IGSF21: variants seen among roughly 807,000 people sequenced by gnomAD.
The protein encoded by IGSF21 is immunoglobin superfamily member 21.
A neutral mutation model predicts 46.8 loss-of-function variants in IGSF21; 28 were observed. The ratio of observed to expected loss-of-function variants is 0.60; its 90% CI spans 0.44 to 0.82. The LOEUF is 0.82. Among genes scored for constraint, IGSF21 ranks in the 40% least tolerant of loss-of-function variants. The pLI, the probability that IGSF21 is intolerant of heterozygous loss-of-function variation, is 0.00. For missense variants in IGSF21, 624 were observed against 665.5 expected (o/e 0.94, Z 0.69); for synonymous variants, 284 against 273.6 (o/e 1.04, Z -0.38).
At chr1:18,350,420 C>G (rs1414550221) in intron 4 of IGSF21, among the ~76,000 whole-genome samples, 1 of 152,202 alleles carries the variant, frequency 6.6e-6, no homozygotes, top group African/African-American at 2.4e-5. Flanking sequence ...TCAAGCCCTG[C>G]CACCCTGGCC....
chr1:18,229,211 G>A (rs1389344827), intron 2 of IGSF21, among the ~76,000 whole-genome samples: 1 of 152,166 alleles, frequency 6.6e-6, no homozygotes, highest in Non-Finnish European at 1.5e-5. Flanking sequence ...GGAAGTGATG[G>A]AGCATGGAAG....
At chr1:18,323,151 T>C (rs1393732135) in intron 3 of IGSF21, among the ~76,000 whole-genome samples, 2 of 152,128 alleles carry the variant, frequency 1.3e-5, no homozygotes, top group Admixed American at 6.5e-5. Flanking sequence ...GAAAACCTGA[T>C]TTCTCAGAGG....
At chr1:18,376,548 T>G (rs1471910788) in intron 7 of IGSF21, among the ~76,000 whole-genome samples, 153 bp downstream of exon 7, 1 of 152,210 alleles carries the variant, frequency 6.6e-6, no homozygotes, top group South Asian at 2.1e-4. Context: ...ATTGGGAGAA[T>G]CAGCTCCCAT....
At chr1:18,247,345 G>A (rs1054719143) in intron 2 of IGSF21, among the ~76,000 whole-genome samples, 4 of 152,114 alleles carry the variant, frequency 2.6e-5, no homozygotes, top group African/African-American at 9.7e-5. Context: ...TTCCTCCCCT[G>A]GGCCATCAAC....
intron 2 of IGSF21, among the ~76,000 whole-genome samples, chr1:18,277,525 G>A (rs115752001): frequency 0.011 from 1,605 of 152,296 alleles, 32 homozygotes; most frequent in African/African-American, 0.036. Flanking sequence ...CAAAGCAGTA[G>A]CAAGAGAAAT....
chr1:18,358,512 C>T (rs1465929019), intron 4 of IGSF21, among the ~76,000 whole-genome samples: 3 of 152,230 alleles, frequency 2.0e-5, no homozygotes, highest in Non-Finnish European at 4.4e-5. Context: ...GGGTGAGTGG[C>T]TGCTCTACGG....
intron 2 of IGSF21, among the ~76,000 whole-genome samples, chr1:18,235,938 T>C (rs144343447): frequency 3.7e-4 from 57 of 152,262 alleles, no homozygotes; most frequent in African/African-American, 1.3e-3. Flanking sequence ...GGAAAAATGT[T>C]CTGCTTATGA....
At chr1:18,123,436 G>C (rs987131150) in intron 1 of IGSF21, among the ~76,000 whole-genome samples, 3 of 152,240 alleles carry the variant, frequency 2.0e-5, no homozygotes, top group African/African-American at 4.8e-5. Flanking sequence ...TAGGGCTGGG[G>C]CTCCAGAGAC....
At chr1:18,166,841 A>G (rs41273147) in intron 1 of IGSF21, 10,525 of 152,850 alleles carry the variant, frequency 0.069, 410 homozygotes, top group Middle Eastern at 0.17. Flanking sequence ...TTTCACAGGT[A>G]GGAAGGAGGG....
At chr1:18,146,616 T>C (rs2086469273) in intron 1 of IGSF21, among the ~76,000 whole-genome samples, 1 of 152,112 alleles carries the variant, frequency 6.6e-6, no homozygotes, top group Non-Finnish European at 1.5e-5. Context: ...GTCAAGGTAG[T>C]AGGAGAGGAA....
chr1:18,274,175 C>A (rs1241471309), intron 2 of IGSF21, among the ~76,000 whole-genome samples: 3 of 152,234 alleles, frequency 2.0e-5, no homozygotes, highest in African/African-American at 7.2e-5. Context: ...CCAGCCCCTA[C>A]CCTTCTGCAA....
intron 1 of IGSF21, among the ~76,000 whole-genome samples, chr1:18,173,889 G>T (rs950329022): frequency 1.3e-5 from 2 of 152,136 alleles, no homozygotes; most frequent in Non-Finnish European, 2.9e-5. Flanking sequence ...GAGTAGCTGG[G>T]ACTACAGGCG....
chr1:18,252,310 A>T (rs1284821023), intron 2 of IGSF21, among the ~76,000 whole-genome samples: 1 of 151,954 alleles, frequency 6.6e-6, no homozygotes, highest in East Asian at 1.9e-4. Flanking sequence ...CGGCCTCCCA[A>T]AGTGCTGGGA....
At chr1:18,234,095 C>T (rs749643413) in intron 2 of IGSF21, among the ~76,000 whole-genome samples, 4 of 152,172 alleles carry the variant, frequency 2.6e-5, no homozygotes, top group African/African-American at 7.2e-5. Context: ...GTCTAGACAA[C>T]CCCTTTGGCC....
chr1:18,331,741 A>G (rs1042301376), intron 3 of IGSF21, among the ~76,000 whole-genome samples: 7 of 152,168 alleles, frequency 4.6e-5, no homozygotes, highest in Non-Finnish European at 7.4e-5. Context: ...AGCCCAGTAA[A>G]CCTCTGCCTC....
At chr1:18,259,870 A>C (rs1294988928) in intron 2 of IGSF21, among the ~76,000 whole-genome samples, 1 of 152,166 alleles carries the variant, frequency 6.6e-6, no homozygotes, top group Non-Finnish European at 1.5e-5. Context: ...AAGAAGCATG[A>C]GTTCTTGGGC....
At chr1:18,198,631 GA>G (rs1557583714) in intron 1 of IGSF21, among the ~76,000 whole-genome samples, 1 of 152,178 alleles carries the variant, frequency 6.6e-6, no homozygotes, top group Non-Finnish European at 1.5e-5. Flanking sequence ...ACTGGCTGGG[GA>G]AAAACTCTAA....
At chr1:18,243,203 T>C (rs2084750356) in intron 2 of IGSF21, among the ~76,000 whole-genome samples, 1 of 152,202 alleles carries the variant, frequency 6.6e-6, no homozygotes, top group Non-Finnish European at 1.5e-5. Flanking sequence ...TCCCTAGAGA[T>C]GTCTGATAAG....
At chr1:18,361,838 G>A (rs1452738425) in intron 4 of IGSF21, 1 of 349,070 alleles carries the variant, frequency 2.9e-6, no homozygotes, top group Non-Finnish European at 5.3e-6. Context: ...CCGGGGATCT[G>A]ATGCACTTCA....
Sources: allele counts gnomAD v4.1 joint callset (sites outside exome capture counted in the v4.1 genomes callset), GRCh38; gene constraint gnomAD v4.1.1; transcripts MANE v1.5; gene names NCBI Gene and HGNC (gene_info 2026-07-23, HGNC 2026-07-21).